The following DNMT1 variants were observed in gnomAD, a reference collection of about 807,000 sequenced individuals.
The protein encoded by DNMT1 is DNA methyltransferase 1, also known as DNA (cytosine-5)-methyltransferase 1.
A neutral mutation model predicts 205.3 loss-of-function variants in DNMT1; 24 were observed. The observed-to-expected ratio is 0.12, with a 90% CI of 0.08 to 0.16. DNMT1 has a LOEUF of 0.16. DNMT1 is among the 10% of genes least tolerant of loss of function. The pLI, the probability that DNMT1 is intolerant of heterozygous loss-of-function variation, is 1.00. For missense variants in DNMT1, 1,293 were observed against 2,177.7 expected (o/e 0.59, Z 8.09); for synonymous variants, 817 against 839.8 (o/e 0.97, Z 0.47).
At chr19:10,185,313 T>G (rs1337548181) in intron 1 of DNMT1, among the ~76,000 whole-genome samples, 1 of 151,452 alleles carries the variant, frequency 6.6e-6, no homozygotes, top group African/African-American at 2.4e-5. Context: ...TAGTCCCAGC[T>G]ACTCAGGAGG....
intron 1 of DNMT1, among the ~76,000 whole-genome samples, chr19:10,190,888 G>A (rs1400686287): frequency 6.6e-6 from 1 of 152,080 alleles, no homozygotes. Flanking sequence ...TAAGATAAGT[G>A]GATCACTTGA....
chr19:10,143,384 CTTTTTTTT>C (rs542026334), intron 29 of DNMT1, among the ~76,000 whole-genome samples: 9 of 119,526 alleles, frequency 7.5e-5, no homozygotes, highest in Non-Finnish European at 1.2e-4. Context: ...CCCAGCTAGT[CTTTTTTTT>C]TTTTTTTTTT....
chr19:10,148,514 A>G (rs2038256560), intron 27 of DNMT1, among the ~76,000 whole-genome samples: 1 of 151,964 alleles, frequency 6.6e-6, no homozygotes, highest in South Asian at 2.1e-4. Context: ...AAAAAGAAAA[A>G]AAAAAAGGAA....
intron 1 of DNMT1, among the ~76,000 whole-genome samples, chr19:10,193,267 C>T (rs1326164083): frequency 6.6e-6 from 1 of 152,066 alleles, no homozygotes; most frequent in Non-Finnish European, 1.5e-5. Context: ...GGCTGAGGAT[C>T]CCTTAAGCCC....
At chr19:10,175,152 A>T (rs1276209119) in intron 7 of DNMT1, among the ~76,000 whole-genome samples, 1 of 150,568 alleles carries the variant, frequency 6.6e-6, no homozygotes, top group Non-Finnish European at 1.5e-5. Context: ...GTATGTATGT[A>T]AGACTGCCTT....
intron 1 of DNMT1, among the ~76,000 whole-genome samples, chr19:10,190,741 G>T (rs774823533): frequency 2.3e-4 from 34 of 150,494 alleles, no homozygotes; most frequent in Admixed American, 6.7e-4. Context: ...CTCCAGCCTG[G>T]GCGACAGCAC....
intron 1 of DNMT1, among the ~76,000 whole-genome samples, chr19:10,191,584 G>T (rs2039305918): frequency 6.6e-6 from 1 of 152,108 alleles, no homozygotes; most frequent in South Asian, 2.1e-4. Context: ...CAGAGCCCCT[G>T]AGCCAGTGGC....
At chr19:10,158,032 G>C (rs895532345) in intron 17 of DNMT1, among the ~76,000 whole-genome samples, 1 of 152,202 alleles carries the variant, frequency 6.6e-6, no homozygotes, top group African/African-American at 2.4e-5. Context: ...GTGGACAGAA[G>C]GCATGTGACT....
chr19:10,180,288 G>A (rs1046406574), intron 4 of DNMT1, 54 bp from the exon 5 acceptor site: 2 of 1,582,400 alleles, frequency 1.3e-6, no homozygotes, highest in African/African-American at 2.7e-5. Context: ...CTCCAGACTG[G>A]GCAACACAGT....
chr19:10,167,021 G>GC (rs1568243762), intron 10 of DNMT1, among the ~76,000 whole-genome samples: 1 of 152,160 alleles, frequency 6.6e-6, no homozygotes, highest in African/African-American at 2.4e-5. Flanking sequence ...TGAGAGCTGG[G>GC]CTGATGTGCG....
intron 8 of DNMT1, among the ~76,000 whole-genome samples, chr19:10,173,515 G>A (rs2038869483): frequency 6.9e-6 from 1 of 145,624 alleles, no homozygotes; most frequent in African/African-American, 2.5e-5. Context: ...TTTTTGAGAT[G>A]GAGTCTTGCT....
At chr19:10,136,066 A>G (rs2089475194) in intron 38 of DNMT1, 55 bp downstream of exon 38, 2 of 1,611,342 alleles carry the variant, frequency 1.2e-6, no homozygotes, top group Non-Finnish European at 1.7e-6. Context: ...CCACCTAGTT[A>G]GGCCGCCAAG....
chr19:10,173,213 C>CA (rs1438984703), intron 8 of DNMT1, 39 bp from the exon 9 acceptor site: 6 of 1,605,936 alleles, frequency 3.7e-6, no homozygotes, highest in Non-Finnish European at 5.1e-6. Context: ...GTGTGAGTGC[C>CA]AGGAGCTTCC....
chr19:10,173,385 CA>C (rs2038865497), intron 8 of DNMT1, among the ~76,000 whole-genome samples: 1 of 152,086 alleles, frequency 6.6e-6, no homozygotes, highest in South Asian at 2.1e-4. Flanking sequence ...TCCAAGAAAA[CA>C]GGAGAATTCT....
intron 39 of DNMT1, 44 bp from the exon 40 acceptor site, chr19:10,134,351 C>A (rs756640103): frequency 1.1e-4 from 183 of 1,593,296 alleles, no homozygotes; most frequent in Non-Finnish European, 1.5e-4. Flanking sequence ...GACACCCAGG[C>A]CCAAGGCCCG....
rs916131734 is a variant in DNMT1, at chr19:10,160,438, G to C, written c.1009-20C>G. 5.0e-6 allele frequency: 8 copies of C among 1,613,826 alleles called. No homozygotes were observed. The highest frequency in any genetic ancestry group is 6.8e-6 in the Non-Finnish European group (8 of 1,179,790). On this transcript the variant is annotated intron_variant, in intron 13 of 40. Transcript: ENST00000359526. ...CTCCTCCTACACAGGGAAAACAAAA[G>C]AGGATTAAAGGCTAAGAGAGTGTTT...
At chr19:10,182,181 T>C in intron 1 of DNMT1, 104 bp from the exon 2 acceptor site, 7 of 1,236,688 alleles carry the variant, frequency 5.7e-6, no homozygotes, top group Non-Finnish European at 8.3e-6. Context: ...CAAACAAGTT[T>C]AACATATGAG....
At chr19:10,178,044 G>C (rs1568252192) in intron 5 of DNMT1, among the ~76,000 whole-genome samples, 2 of 151,780 alleles carry the variant, frequency 1.3e-5, no homozygotes, top group Non-Finnish European at 2.9e-5. Context: ...AGATCACAAG[G>C]TCAAGAGATC....
At position 10,154,189 on chromosome 19, in the gene DNMT1, G is replaced by T; in HGVS notation, c.2019+104C>A. The stretch of plus-strand genomic sequence containing the variant: ...TTTCTGTCTCAGGGGTCACATTTGA[G>T]CAGCCAGAGTCTCAAGCCACAGAGA... On this transcript the variant is annotated intron_variant, in intron 22 of 40. Coordinates refer to ENST00000359526, the MANE Select transcript of DNMT1 (RefSeq NM_001130823.3). The surrounding 1 kb of genome is among the most constrained non-coding windows in gnomAD (Gnocchi z 6.3). 2 of 1,230,678 alleles carry T rather than the reference G, an allele frequency of 1.6e-6. No homozygotes were observed. Among genetic ancestry groups the T allele is most frequent in the Non-Finnish European group, 2.4e-6 (2 of 839,658 alleles). 76.2% of individuals were successfully genotyped at this position (1,230,678 alleles called of 1,614,324 possible). A position where few individuals can be genotyped will look rare whatever the true frequency, so the allele number is the denominator to read the frequency against.
Sources: gnomAD v4.1 joint callset for allele counts (sites outside exome capture counted in the v4.1 genomes callset) on GRCh38, gnomAD v4.1.1 for gene constraint, Gnocchi (gnomAD v3.1) non-coding constraint, MANE v1.5 for transcripts, NCBI Gene and HGNC (gene_info 2026-07-23, HGNC 2026-07-21) for gene names.